Variants in HTR4 observed in about 807,000 individuals in gnomAD.
HTR4 encodes the protein 5-hydroxytryptamine (serotonin) receptor 4, G protein-coupled.
Under a neutral mutation model 36.8 loss-of-function variants are expected in HTR4, and 16 were observed. That is an observed-to-expected ratio of 0.43 (90% CI 0.29 to 0.66). HTR4 has a LOEUF of 0.66. HTR4 is among the 30% of genes least tolerant of loss of function. The probability of loss-of-function intolerance (pLI) is 0.13; values close to 1 mark genes in which losing one functional copy is unlikely to be tolerated. For missense variants in HTR4, 438 were observed against 490.9 expected (o/e 0.89, Z 1.02); for synonymous variants, 189 against 185.1 (o/e 1.02, Z -0.17).
At chr5:148,504,370 G>T (rs1757083249) in intron 6 of HTR4, among the ~76,000 whole-genome samples, 1 of 152,196 alleles carries the variant, frequency 6.6e-6, no homozygotes, top group Admixed American at 6.5e-5. Context: ...CATGGAAACA[G>T]AACAACCTGC....
intron 4 of HTR4, among the ~76,000 whole-genome samples, chr5:148,536,012 G>A (rs1561603619): frequency 6.6e-6 from 1 of 152,050 alleles, no homozygotes; most frequent in Non-Finnish European, 1.5e-5. Flanking sequence ...CCTACAAAGG[G>A]AACACCATTA....
Position 148,550,170 on chromosome 5 carries a change from A to T in HTR4, c.119T>A (p.Val40Glu), listed in dbSNP as rs1256994844. ...ILMAILGNLL[V>E]MVAVCWDRQL... is the part of the protein sequence containing the mutation. Reference sequence around the variant, plus strand: ...CCTGTCCCAGCACACAGCCACCATCACCAGCAGGTTCCCCAAGATGGCCAT... The same window carrying T: ...CCTGTCCCAGCACACAGCCACCATCTCCAGCAGGTTCCCCAAGATGGCCAT... Residue 40 changes from valine to glutamate, a missense_variant, in exon 3 of 7, where the codon GTG becomes GAG. Transcript: ENST00000377888. The T allele has an allele frequency of 1.2e-6, 2 of 1,614,062 alleles. No homozygotes were observed. The highest frequency in any genetic ancestry group is 4.5e-5 in the East Asian group (2 of 44,874).
intron 2 of HTR4, among the ~76,000 whole-genome samples, chr5:148,567,179 G>A (rs1760478613): frequency 6.6e-6 from 1 of 152,048 alleles, no homozygotes; most frequent in Non-Finnish European, 1.5e-5. Flanking sequence ...TCCACCTGAA[G>A]CTGCTACAAA....
intron 2 of HTR4, among the ~76,000 whole-genome samples, chr5:148,554,097 T>A (rs911881976): frequency 6.6e-6 from 1 of 152,164 alleles, no homozygotes; most frequent in African/African-American, 2.4e-5. Context: ...GTTTTTGAGA[T>A]GGAGTTTTGC....
At chr5:148,610,473 G>A (rs1752377694) in intron 2 of HTR4, among the ~76,000 whole-genome samples, 1 of 152,134 alleles carries the variant, frequency 6.6e-6, no homozygotes. Flanking sequence ...GGTCCTGTCT[G>A]CTACAAGGAA....
intron 2 of HTR4, among the ~76,000 whole-genome samples, chr5:148,585,667 G>T (rs1444094369): frequency 2.0e-5 from 3 of 152,322 alleles, no homozygotes; most frequent in South Asian, 2.1e-4. Context: ...TCACACAGCA[G>T]TTAATGGCAG....
At chr5:148,529,584 C>T (rs1174923105) in intron 4 of HTR4, among the ~76,000 whole-genome samples, 2 of 152,174 alleles carry the variant, frequency 1.3e-5, no homozygotes, top group Admixed American at 6.5e-5. Context: ...TTGTAAATTG[C>T]CCAGTCTTGG....
chr5:148,454,157 T>C (rs1415634275), intron 5 of HTR4, among the ~76,000 whole-genome samples: 1 of 152,182 alleles, frequency 6.6e-6, no homozygotes, highest in Non-Finnish European at 1.5e-5. Context: ...TTGCCAGCTT[T>C]GTGACATTTG....
intron 2 of HTR4, among the ~76,000 whole-genome samples, chr5:148,597,728 GT>G (rs1329687825): frequency 6.6e-6 from 1 of 152,108 alleles, no homozygotes; most frequent in Non-Finnish European, 1.5e-5. Context: ...CCAACATGTG[GT>G]TTTTTGGAAA....
At chr5:148,574,390 GCT>G (rs137966163) in intron 2 of HTR4, among the ~76,000 whole-genome samples, 67 of 147,936 alleles carry the variant, frequency 4.5e-4, no homozygotes, top group South Asian at 8.7e-4. Flanking sequence ...GCTCTCGCGC[GCT>G]CTCTCTCTCT....
chr5:148,504,376 C>T (rs902477292), intron 6 of HTR4, among the ~76,000 whole-genome samples: 3 of 152,192 alleles, frequency 2.0e-5, no homozygotes, highest in African/African-American at 7.2e-5. Flanking sequence ...AACAGAACAA[C>T]CTGCTCCTGA....
chr5:148,598,405 T>C (rs2127265897), intron 2 of HTR4, among the ~76,000 whole-genome samples: 1 of 152,064 alleles, frequency 6.6e-6, no homozygotes, highest in South Asian at 2.1e-4. Flanking sequence ...ATTAGCCAGG[T>C]GTGATGGCAC....
chr5:148,608,365 G>A lies in HTR4; in HGVS notation c.26+28624C>T, dbSNP rs1404041274. Among the ~76,000 whole-genome samples the A allele has an allele frequency of 2.6e-5, 4 of 152,276 alleles. No homozygotes were observed. In the East Asian group the frequency reaches 7.7e-4, roughly 29 times the overall value. On this transcript the variant is annotated intron_variant, in intron 2 of 6. Transcript: ENST00000377888. ...AATATTAAGGGGACATTTTAGAGAAGCAGCTAATCTAGGCTTTGGTGGTCC... is the reference window on the plus strand; with the variant it reads ...AATATTAAGGGGACATTTTAGAGAAACAGCTAATCTAGGCTTTGGTGGTCC...
At chr5:148,476,425 C>A (rs1050520589), downstream of HTR4, among the ~76,000 whole-genome samples, 1 of 152,196 alleles carries the variant, frequency 6.6e-6, no homozygotes. Context: ...AAACTCTAAT[C>A]TTTCTGCCAC....
intron 5 of HTR4, among the ~76,000 whole-genome samples, chr5:148,464,821 G>A (rs1291032786): frequency 2.0e-5 from 3 of 152,128 alleles, no homozygotes; most frequent in African/African-American, 7.2e-5. Context: ...AAACTGGAAA[G>A]CAACCGAGAA....
chr5:148,483,237 G>T lies in HTR4; in HGVS notation c.1133C>A (p.Ser378Tyr). Residue 378 changes from serine to tyrosine, a missense_variant, in exon 7 of 7, where the codon TCT becomes TAT. Physicochemically the swap from Ser to Tyr is moderately radical, Grantham distance 144. Coordinates refer to ENST00000377888, the MANE Select transcript of HTR4 (RefSeq NM_000870.7). Reference sequence around the variant, plus strand: ...ACTGGGCTGAGCAGCCACCAAAGGAGAAGTTGCTGGCGGGTGACACTGACT... The same window carrying T: ...ACTGGGCTGAGCAGCCACCAAAGGATAAGTTGCTGGCGGGTGACACTGACT... ...WESQCHPPAT[S>Y]PLVAAQPSDT The T allele has an allele frequency of 6.2e-7, 1 of 1,614,068 alleles. No homozygotes were observed. The highest frequency in any genetic ancestry group is 8.5e-7 in the Non-Finnish European group (1 of 1,179,966).
intron 1 of HTR4, among the ~76,000 whole-genome samples, chr5:148,642,649 T>G (rs1753763991): frequency 6.6e-6 from 1 of 152,140 alleles, no homozygotes; most frequent in Non-Finnish European, 1.5e-5. Flanking sequence ...TGATCGTGAT[T>G]TCCTAGTACT....
chr5:148,459,155 T>C (rs984392659), intron 5 of HTR4, among the ~76,000 whole-genome samples: 1 of 152,034 alleles, frequency 6.6e-6, no homozygotes, highest in Non-Finnish European at 1.5e-5. Context: ...ATTCCAGGCA[T>C]GGGCATGGAG....
intron 6 of HTR4, 55 bp downstream of exon 6, chr5:148,509,401 C>T (rs1757381932): frequency 1.5e-6 from 2 of 1,332,298 alleles, no homozygotes; most frequent in African/African-American, 1.5e-5. Context: ...TGGAGCATTA[C>T]CCCTTCTGAG....
Sources: allele counts gnomAD v4.1 joint callset (sites outside exome capture counted in the v4.1 genomes callset), GRCh38; gene constraint gnomAD v4.1.1; transcripts MANE v1.5; gene names NCBI Gene and HGNC (gene_info 2026-07-23, HGNC 2026-07-21).